The following FANCD2 variants were observed in gnomAD, a reference collection of about 807,000 sequenced individuals.
FANCD2 encodes FA complementation group D2.
A neutral mutation model predicts 192.3 loss-of-function variants in FANCD2; 131 were observed. The ratio of observed to expected loss-of-function variants is 0.68; its 90% CI spans 0.59 to 0.79. The LOEUF is 0.79. FANCD2 is among the 30% of genes least tolerant of loss of function. The pLI, the probability that FANCD2 is intolerant of heterozygous loss-of-function variation, is 0.00. For missense variants in FANCD2, 1,508 were observed against 1,701.6 expected (o/e 0.89, Z 2.00); for synonymous variants, 524 against 612.5 (o/e 0.86, Z 2.13).
intron 26 of FANCD2, among the ~76,000 whole-genome samples, chr3:10,071,702 G>GA (rs1693257609): frequency 6.6e-6 from 1 of 152,138 alleles, no homozygotes; most frequent in South Asian, 2.1e-4. Flanking sequence ...GGGGGACTGG[G>GA]AAAAATGAGG....
At chr3:10,097,567 TC>T (rs1309454304) in intron 42 of FANCD2, among the ~76,000 whole-genome samples, 1 of 152,252 alleles carries the variant, frequency 6.6e-6, no homozygotes, top group Non-Finnish European at 1.5e-5. Flanking sequence ...AGGTTATCTC[TC>T]CTATACCCTG....
chr3:10,028,886 G>A (rs56098809), intron 2 of FANCD2, among the ~76,000 whole-genome samples, 165 bp downstream of exon 2: 333 of 152,254 alleles, frequency 2.2e-3, no homozygotes, highest in Middle Eastern at 6.8e-3. Context: ...TTTTTGCCTC[G>A]AATTCTGCGT....
chr3:10,064,554 C>A (rs2087661261), intron 22 of FANCD2, 125 bp downstream of exon 22: 3 of 1,287,132 alleles, frequency 2.3e-6, no homozygotes, highest in Admixed American at 3.4e-5. Context: ...CAGCTTCTTT[C>A]CTCCCAACCC....
intron 14 of FANCD2, among the ~76,000 whole-genome samples, chr3:10,046,203 G>A (rs2087003357): frequency 6.6e-6 from 1 of 151,914 alleles, no homozygotes; most frequent in African/African-American, 2.4e-5. Context: ...ATAGGTGCAT[G>A]CTGCCACACC....
chr3:10,099,260 A>G lies in FANCD2; in HGVS notation c.4281+445A>G, dbSNP rs1043035593. On this transcript the variant is annotated intron_variant, in intron 43 of 43. Transcript: ENST00000675286. The stretch of plus-strand genomic sequence containing the variant: ...AGAAGCTGCCACCTTAGAGAACTGA[A>G]ATAAAAATAGAAGTTCTTACGCTTT... 12 of 1,290,972 alleles carry G rather than the reference A, an allele frequency of 9.3e-6. No individual in the cohort carries two copies. The South Asian group carries it at 2.0e-4, about 22-fold the overall frequency. The allele number at this position is 1,290,972 out of a possible 1,614,324, so 80.0% of individuals were successfully genotyped here.
At chr3:10,088,750 T>C (rs1694395203) in intron 35 of FANCD2, 78 bp from the exon 36 acceptor site, 2 of 1,479,506 alleles carry the variant, frequency 1.4e-6, no homozygotes, top group Non-Finnish European at 9.4e-7. Context: ...TTAATTCAGA[T>C]CATAGAGGAA....
At chr3:10,101,123 T>C in intron 43 of FANCD2, 65 bp from the exon 44 acceptor site, 1 of 1,200,868 alleles carries the variant, frequency 8.3e-7, no homozygotes, top group Non-Finnish European at 1.2e-6. Context: ...CTCTAGGAGC[T>C]GTATTCCAGA....
intron 20 of FANCD2, 118 bp from the exon 21 acceptor site, chr3:10,063,674 G>A (rs1225996244): frequency 2.2e-6 from 3 of 1,338,172 alleles, no homozygotes; most frequent in Non-Finnish European, 2.1e-6. Flanking sequence ...AACTTCAAGT[G>A]AGACATAGAG....
rs758626050 is a variant in FANCD2 at position 10,094,274 on chromosome 3, G to A, written c.3889-15G>A. The A allele has an allele frequency of 6.2e-7, 1 of 1,609,922 alleles. No individual in the cohort carries two copies. Among genetic ancestry groups the A allele is most frequent in the Non-Finnish European group, 8.5e-7 (1 of 1,176,194 alleles). ...ATACCTCAGCTAGAGGTAACAGTGT[G>A]TCTCTCTTCTTCAGTATGGGCGTCT... On this transcript the variant is annotated splice_polypyrimidine_tract_variant and intron_variant, in intron 39 of 43. Coordinates refer to ENST00000675286, the MANE Select transcript of FANCD2 (RefSeq NM_001018115.3).
intron 26 of FANCD2, among the ~76,000 whole-genome samples, chr3:10,072,040 A>G (rs1693281817): frequency 1.3e-5 from 2 of 152,064 alleles, no homozygotes; most frequent in African/African-American, 2.4e-5. Flanking sequence ...GATTACAGGC[A>G]TGAGCCAGAG....
At chr3:10,091,154 C>T (rs1206754901) in intron 37 of FANCD2, among the ~76,000 whole-genome samples, 34 of 148,758 alleles carry the variant, frequency 2.3e-4, no homozygotes, top group African/African-American at 8.1e-4. Flanking sequence ...AAACTTGGCT[C>T]ACTGCAGCCT....
At position 10,072,860 on chromosome 3, in the gene FANCD2, G is replaced by A. The variant is rs1480354271; in HGVS notation, c.2495-11G>A. 1 of 1,462,812 alleles carries A rather than the reference G, an allele frequency of 6.8e-7. No homozygotes were observed. The highest frequency in any genetic ancestry group is 9.6e-7 in the Non-Finnish European group (1 of 1,043,592). The allele number at this position is 1,462,812 out of a possible 1,614,324, so 90.6% of individuals were successfully genotyped here. A position where few individuals can be genotyped will look rare whatever the true frequency, so the allele number is the denominator to read the frequency against. Reference sequence around the variant, plus strand: ...GGTACACATTGAGCTTCAGCCTGCTGTTTGTTTCAGTCACCCCAGACTATG... The same window carrying A: ...GGTACACATTGAGCTTCAGCCTGCTATTTGTTTCAGTCACCCCAGACTATG... On this transcript the variant is annotated splice_polypyrimidine_tract_variant and intron_variant, in intron 26 of 43. Transcript: ENST00000675286.
intron 29 of FANCD2, among the ~76,000 whole-genome samples, chr3:10,075,647 G>A (rs1482936386): frequency 6.6e-6 from 1 of 151,694 alleles, no homozygotes; most frequent in African/African-American, 2.4e-5. Context: ...AATTTCTCTA[G>A]GTTTAAGAGA....
Position 10,092,250 on chromosome 3 carries a change from A to C in FANCD2, c.3847A>C (p.Lys1283Gln), listed in dbSNP as rs777057249. ...RDFSILINLI[K>Q]VFDSHPVLHV... ...CTTCAGTATCCTCATCAACTTGATAAAGGTGAGTATGGAGACTGCTTGACA... is the reference window on the plus strand; with the variant it reads ...CTTCAGTATCCTCATCAACTTGATACAGGTGAGTATGGAGACTGCTTGACA... The change falls in exon 38 of 44, where the codon AAG becomes CAG. Residue 1283 changes from lysine to glutamine, a missense_variant and splice_region_variant. Physicochemically the swap from Lys to Gln is moderately conservative, Grantham distance 53. Coordinates refer to ENST00000675286, the MANE Select transcript of FANCD2 (RefSeq NM_001018115.3). The C allele has an allele frequency of 1.2e-6, 2 of 1,610,744 alleles. No individual in the cohort carries two copies. Among genetic ancestry groups the C allele is most frequent in the East Asian group, 4.5e-5 (2 of 44,868 alleles).
chr3:10,071,075 C>T (rs890535875), intron 26 of FANCD2, among the ~76,000 whole-genome samples: 36 of 146,784 alleles, frequency 2.5e-4, no homozygotes, highest in Non-Finnish European at 4.9e-4. Flanking sequence ...CACTATTGTC[C>T]TATGACCCTG....
chr3:10,043,940 G>A, intron 14 of FANCD2, 76 bp downstream of exon 14: 2 of 1,182,490 alleles, frequency 1.7e-6, no homozygotes, highest in Non-Finnish European at 2.5e-6. Flanking sequence ...CCTTCCCACT[G>A]TCTTTCTTTC....
At chr3:10,067,492 T>A (rs2087753819) in intron 26 of FANCD2, among the ~76,000 whole-genome samples, 175 bp downstream of exon 26, 1 of 152,144 alleles carries the variant, frequency 6.6e-6, no homozygotes, top group African/African-American at 2.4e-5. Context: ...CAAACCTAAT[T>A]CAGCAACACA....
intron 17 of FANCD2, among the ~76,000 whole-genome samples, chr3:10,051,337 C>A (rs1408162470): frequency 1.4e-5 from 2 of 143,882 alleles, no homozygotes; most frequent in African/African-American, 5.2e-5. Flanking sequence ...GCCGAGATCC[C>A]GCCACTGCAC....
chr3:10,063,441 G>GA lies in FANCD2; in HGVS notation c.1828-344dup, dbSNP rs555706467. 6.6e-5 allele frequency among the ~76,000 whole-genome samples: 10 copies of GA among 151,936 alleles called. No individual in the cohort carries two copies. In the East Asian group the frequency reaches 1.9e-3, roughly 29 times the overall value. Reference sequence around the variant, plus strand: ...GACAGAGCAAGGCTCCATCTCAAAAGAAAAAAAGAAAAAGCTATTTGAGAG... The same window carrying GA: ...GACAGAGCAAGGCTCCATCTCAAAAGAAAAAAAAGAAAAAGCTATTTGAGAG... On this transcript the variant is annotated intron_variant, in intron 20 of 43. Coordinates refer to ENST00000675286, the MANE Select transcript of FANCD2 (RefSeq NM_001018115.3).
Sources: gnomAD v4.1 joint callset for allele counts (sites outside exome capture counted in the v4.1 genomes callset) on GRCh38, gnomAD v4.1.1 for gene constraint, MANE v1.5 for transcripts, NCBI Gene and HGNC (gene_info 2026-07-23, HGNC 2026-07-21) for gene names.